The following AGBL4 variants were observed in gnomAD, a reference collection of about 807,000 sequenced individuals.
AGBL4 encodes the protein cytosolic carboxypeptidase 6.
A neutral mutation model predicts 66.4 loss-of-function variants in AGBL4; 58 were observed. That is an observed-to-expected ratio of 0.87 (90% confidence interval 0.71 to 1.09). The LOEUF (loss-of-function observed/expected upper bound fraction) is 1.09, where lower values mean the gene tolerates loss of function less well. Ranked by LOEUF, AGBL4 falls within the 50% of genes least tolerant of loss-of-function variation. AGBL4 has a pLI of 0.00. For missense variants in AGBL4, 579 were observed against 631.0 expected (o/e 0.92, Z 0.88); for synonymous variants, 234 against 222.9 (o/e 1.05, Z -0.44).
At chr1:49,600,301 T>C (rs1460882569) in intron 3 of AGBL4, among the ~76,000 whole-genome samples, 2 of 152,196 alleles carry the variant, frequency 1.3e-5, no homozygotes, top group East Asian at 3.9e-4. Context: ...GCTCCTGTAT[T>C]GGGTGCATAT....
At chr1:49,696,214 T>C (rs1646980907) in intron 3 of AGBL4, among the ~76,000 whole-genome samples, 1 of 152,196 alleles carries the variant, frequency 6.6e-6, no homozygotes, top group African/African-American at 2.4e-5. Context: ...TCTTCCATGA[T>C]CAGTTGTCTC....
At chr1:48,789,581 G>A (rs1399346628) in intron 6 of AGBL4, among the ~76,000 whole-genome samples, 12 of 152,158 alleles carry the variant, frequency 7.9e-5, no homozygotes. Context: ...GAGCCACACT[G>A]TGGATATATT....
chr1:48,542,835 T>C (rs1644096110), intron 11 of AGBL4, among the ~76,000 whole-genome samples: 1 of 152,238 alleles, frequency 6.6e-6, no homozygotes, highest in Non-Finnish European at 1.5e-5. Context: ...AGAAGCTCTT[T>C]AGTTTAATTA....
intron 4 of AGBL4, among the ~76,000 whole-genome samples, chr1:49,229,357 G>T (rs1650139135): frequency 6.6e-6 from 1 of 152,144 alleles, no homozygotes; most frequent in African/African-American, 2.4e-5. Context: ...ACGTAAGAAA[G>T]GAAGAACATT....
intron 2 of AGBL4, among the ~76,000 whole-genome samples, chr1:49,760,700 T>C (rs1652240855): frequency 6.6e-6 from 1 of 152,220 alleles, no homozygotes; most frequent in Non-Finnish European, 1.5e-5. Flanking sequence ...TAAATCATTC[T>C]ACCATAAAGA....
chr1:48,945,193 T>G (rs544306674), intron 5 of AGBL4, among the ~76,000 whole-genome samples: 1 of 152,224 alleles, frequency 6.6e-6, no homozygotes, highest in African/African-American at 2.4e-5. Context: ...AAATCTTAGG[T>G]TTTAGTAGTA....
chr1:49,028,331 C>A (rs1005146635), intron 5 of AGBL4, among the ~76,000 whole-genome samples: 1 of 152,136 alleles, frequency 6.6e-6, no homozygotes, highest in African/African-American at 2.4e-5. Flanking sequence ...ACAATTATTG[C>A]CCCTAGAGAA....
intron 5 of AGBL4, among the ~76,000 whole-genome samples, chr1:48,947,691 A>G (rs1366404908): frequency 6.6e-6 from 1 of 152,210 alleles, no homozygotes; most frequent in Non-Finnish European, 1.5e-5. Context: ...CTCAAAACGT[A>G]ACATACTCCT....
intron 2 of AGBL4, among the ~76,000 whole-genome samples, chr1:49,749,812 A>G (rs1185424063): frequency 6.6e-6 from 1 of 152,186 alleles, no homozygotes; most frequent in Non-Finnish European, 1.5e-5. Context: ...TGGAAACACA[A>G]TCAAATTCTG....
chr1:48,843,300 A>C (rs902716892), intron 6 of AGBL4, among the ~76,000 whole-genome samples: 3 of 152,210 alleles, frequency 2.0e-5, no homozygotes, highest in Non-Finnish European at 4.4e-5. Flanking sequence ...ACGATTTCTG[A>C]AATTTTCATA....
chr1:49,415,898 C>T (rs1404972914), intron 3 of AGBL4, among the ~76,000 whole-genome samples: 1 of 151,950 alleles, frequency 6.6e-6, no homozygotes, highest in African/African-American at 2.4e-5. Flanking sequence ...CTGTGTCTTC[C>T]CACCATACCC....
At chr1:49,427,820 C>T (rs1645698541) in intron 3 of AGBL4, among the ~76,000 whole-genome samples, 2 of 152,210 alleles carry the variant, frequency 1.3e-5, no homozygotes, top group Non-Finnish European at 2.9e-5. Context: ...TTATTTGGCC[C>T]CGCCCACATC....
chr1:49,556,890 G>A lies in AGBL4; in HGVS notation c.282+140423C>T, dbSNP rs117958825. On this transcript the variant is annotated intron_variant, in intron 3 of 13. Coordinates refer to ENST00000371839, the MANE Select transcript of AGBL4 (RefSeq NM_032785.4). The stretch of plus-strand genomic sequence containing the variant: ...CCTGACGAGAATTCAAGCGCGGCGC[G>A]GGTGGGCCTGCAGTGCTGGGGGACC... 7.2e-5 allele frequency among the ~76,000 whole-genome samples: 11 copies of A among 152,202 alleles called. No individual in the cohort carries two copies. In the East Asian group the frequency reaches 2.1e-3, roughly 30 times the overall value.
intron 2 of AGBL4, among the ~76,000 whole-genome samples, chr1:49,732,409 GA>G (rs1649525775): frequency 6.6e-6 from 1 of 152,028 alleles, no homozygotes; most frequent in Non-Finnish European, 1.5e-5. Flanking sequence ...GACAAGCAAA[GA>G]AACAAAAATG....
intron 3 of AGBL4, among the ~76,000 whole-genome samples, chr1:49,437,607 A>T (rs942709808): frequency 5.3e-5 from 8 of 152,180 alleles, no homozygotes; most frequent in African/African-American, 1.9e-4. Context: ...ACCACCCAGG[A>T]ATATAATTAT....
intron 11 of AGBL4, among the ~76,000 whole-genome samples, chr1:48,540,860 C>A (rs1644056194): frequency 1.3e-5 from 2 of 152,148 alleles, no homozygotes; most frequent in South Asian, 4.1e-4. Context: ...TAACTAGTTT[C>A]CCTGCCACAG....
chr1:49,628,717 A>G (rs182923475), intron 3 of AGBL4, among the ~76,000 whole-genome samples: 4 of 152,218 alleles, frequency 2.6e-5, no homozygotes, highest in African/African-American at 9.6e-5. Context: ...TCTTTGGACT[A>G]TATTGTGACA....
At chr1:48,799,702 TAA>T (rs1250713098) in intron 6 of AGBL4, among the ~76,000 whole-genome samples, 1 of 152,210 alleles carries the variant, frequency 6.6e-6, no homozygotes, top group Non-Finnish European at 1.5e-5. Flanking sequence ...GTTTTAATCA[TAA>T]AGAGATGCTG....
intron 1 of AGBL4, among the ~76,000 whole-genome samples, chr1:49,863,603 T>C (rs1188354761): frequency 1.3e-5 from 2 of 152,156 alleles, no homozygotes; most frequent in Non-Finnish European, 2.9e-5. Flanking sequence ...TCTAATAATC[T>C]AATCAAAAGA....
Sources: gnomAD v4.1 joint callset for allele counts (sites outside exome capture counted in the v4.1 genomes callset) on GRCh38, gnomAD v4.1.1 for gene constraint, MANE v1.5 for transcripts, NCBI Gene and HGNC (gene_info 2026-07-23, HGNC 2026-07-21) for gene names.